TRAF7: variants seen among roughly 807,000 people sequenced by gnomAD.
The protein encoded by TRAF7 is E3 ubiquitin-protein ligase TRAF7.
Under a neutral mutation model 89.3 loss-of-function variants are expected in TRAF7, and 45 were observed. The ratio of observed to expected loss-of-function variants is 0.50; its 90% CI spans 0.40 to 0.65. TRAF7 has a LOEUF of 0.65. Among genes scored for constraint, TRAF7 ranks in the 30% least tolerant of loss-of-function variants. The pLI, the probability that TRAF7 is intolerant of heterozygous loss-of-function variation, is 0.00. For synonymous variants in TRAF7, 406 were observed against 369.2 expected (o/e 1.10, Z -1.14); for missense variants, 677 against 918.1 (o/e 0.74, Z 3.39).
chr16:2,167,696 TGCCAGGCG>T (rs547917787), intron 3 of TRAF7, among the ~76,000 whole-genome samples: 74 of 152,308 alleles, frequency 4.9e-4, no homozygotes, highest in Middle Eastern at 3.4e-3. Context: ...CCCCAGCTGC[TGCCAGGCG>T]GCCTTCAGAG....
At chr16:2,166,071 C>A in intron 3 of TRAF7, 135 bp downstream of exon 3, 3 of 1,084,400 alleles carry the variant, frequency 2.8e-6, no homozygotes, top group African/African-American at 1.5e-5. Context: ...AGCCTCACAC[C>A]GCAGCCTGTG....
chr16:2,173,111 G>T, intron 9 of TRAF7, 71 bp from the exon 10 acceptor site: 1 of 1,445,712 alleles, frequency 6.9e-7, no homozygotes, highest in South Asian at 1.2e-5. Context: ...TGGAGCATTT[G>T]AGGGGGATTC....
At position 2,170,719 on chromosome 16, in the gene TRAF7, G is replaced by T; in HGVS notation, c.337G>T (p.Glu113Ter). Residue 113 changes from glutamate (E) to a stop codon, truncating the protein, a stop_gained, in exon 5 of 21, where the codon GAG becomes TAG. Coordinates refer to ENST00000326181, the MANE Select transcript of TRAF7 (RefSeq NM_032271.3). LOFTEE classifies it high-confidence loss of function. ...CTCCACATTCTCACTGCCCGAGGAGGAGGAGGAGCCGGTAGGTGTGGGGGA... is the reference window on the plus strand; with the variant it reads ...CTCCACATTCTCACTGCCCGAGGAGTAGGAGGAGCCGGTAGGTGTGGGGGA... ...LRSTFSLPEE[E>*]EEPEPLVFAE... The T allele has an allele frequency of 6.2e-7, 1 of 1,601,274 alleles. No homozygotes were observed. Among genetic ancestry groups the T allele is most frequent in the East Asian group, 2.3e-5 (1 of 44,038 alleles).
In TRAF7 at chr16:2,175,966, C is replaced by CAGAT. The variant is rs780098578; in HGVS notation, c.1746+14_1746+15insGATA. ...GAACCTCATCCACGTAAGGCCTGGG[C>CAGAT]ATCTGGGTGCAAGGCCAGACTGTGG... On this transcript the variant is annotated intron_variant, in intron 18 of 20. Transcript: ENST00000326181. 1 of 1,612,972 alleles carries CAGAT rather than the reference C, an allele frequency of 6.2e-7. No individual in the cohort carries two copies. The highest frequency in any genetic ancestry group is 1.1e-5 in the South Asian group (1 of 91,062).
Position 2,163,777 on chromosome 16 carries a change from G to C in TRAF7, c.-38-106G>C. ...GCTGGTGGTGGAAGGCTGCTGCGGC[G>C]GCCCCACGGTGCCCCACAGCAGGTC... On this transcript the variant is annotated intron_variant, in intron 1 of 20. Transcript: ENST00000326181. This position sits in a 1 kb window ranked among gnomAD's most constrained non-coding sequence, Gnocchi z 4.3. 2 of 742,270 alleles carry C rather than the reference G, an allele frequency of 2.7e-6. No homozygotes were observed. The highest frequency in any genetic ancestry group is 3.1e-5 in the South Asian group (2 of 64,236). 46.0% of individuals were successfully genotyped at this position (742,270 alleles called of 1,614,324 possible).
chr16:2,171,689 T>A (rs1032931217), intron 7 of TRAF7, 84 bp downstream of exon 7: 26 of 1,598,050 alleles, frequency 1.6e-5, no homozygotes, highest in Non-Finnish European at 2.2e-5. Flanking sequence ...CCTTGTCCCC[T>A]GCACAGCGTC....
chr16:2,169,386 C>G (rs1474976417), intron 4 of TRAF7, among the ~76,000 whole-genome samples: 1 of 152,158 alleles, frequency 6.6e-6, no homozygotes, highest in African/African-American at 2.4e-5. Context: ...CCCTGGGCCT[C>G]TGCCTGCCTC....
chr16:2,171,379 C>G, intron 6 of TRAF7, 23 bp downstream of exon 6: 1 of 1,543,176 alleles, frequency 6.5e-7, no homozygotes, highest in Admixed American at 2.0e-5. Flanking sequence ...CCCTTCCCAG[C>G]CCCCCTGCTG....
Position 2,168,761 on chromosome 16 carries a change from C to A in TRAF7, c.231+593C>A, listed in dbSNP as rs1596674269. ...GGCTGCTGGTACCTGAGCCCTGTGG[C>A]CAGGGTCTCAGTGGCCGTTCCCTGC... On this transcript the variant is annotated intron_variant, in intron 4 of 20. Coordinates refer to ENST00000326181, the MANE Select transcript of TRAF7 (RefSeq NM_032271.3). This position sits in a 1 kb window ranked among gnomAD's most constrained non-coding sequence, Gnocchi z 4.1. Among the ~76,000 whole-genome samples, 1 of 152,088 alleles carries A rather than the reference C, an allele frequency of 6.6e-6. No homozygotes were observed. The highest frequency in any genetic ancestry group is 2.4e-5 in the African/African-American group (1 of 41,406).
At position 2,161,058 on chromosome 16, in the gene TRAF7, C is replaced by CA; in HGVS notation, c.-38-2822dup. Among the ~76,000 whole-genome samples, 1 of 152,132 alleles carries CA rather than the reference C, an allele frequency of 6.6e-6. No homozygotes were observed. Among genetic ancestry groups the CA allele is most frequent in the Non-Finnish European group, 1.5e-5 (1 of 67,994 alleles). ...ATGGATCCTGCCTTAGGGCGGGACA[C>CA]AAACGTTCCCTGGCCTCCAGCCCCA... On this transcript the variant is annotated intron_variant, in intron 1 of 20. Coordinates refer to ENST00000326181, the MANE Select transcript of TRAF7 (RefSeq NM_032271.3). This position sits in a 1 kb window ranked among gnomAD's most constrained non-coding sequence, Gnocchi z 5.2.
At position 2,159,655 on chromosome 16, in the gene TRAF7, G is replaced by C. The variant is rs1000756349; in HGVS notation, c.-39+3797G>C. 6.6e-6 allele frequency among the ~76,000 whole-genome samples: 1 copy of C among 152,200 alleles called. No homozygotes were observed. Among genetic ancestry groups the C allele is most frequent in the African/African-American group, 2.4e-5 (1 of 41,454 alleles). Reference sequence around the variant, plus strand: ...GCTCTGGCCGCAGTCCAGCCAGCCGGCCACACACAGCCCTGTGGCAGGCGG... The same window carrying C: ...GCTCTGGCCGCAGTCCAGCCAGCCGCCCACACACAGCCCTGTGGCAGGCGG... On this transcript the variant is annotated intron_variant, in intron 1 of 20. Transcript: ENST00000326181. This position sits in a 1 kb window ranked among gnomAD's most constrained non-coding sequence, Gnocchi z 6.5.
At chr16:2,170,992 C>G (rs1366104574) in intron 5 of TRAF7, among the ~76,000 whole-genome samples, 1 of 152,242 alleles carries the variant, frequency 6.6e-6, no homozygotes, top group Non-Finnish European at 1.5e-5. Context: ...AGGGCCCTTT[C>G]TAGTCTCACC....
rs2093139569 is a variant in TRAF7 at position 2,176,928 on chromosome 16, C to T, written c.*354C>T. 2 of 468,206 alleles carry T rather than the reference C, an allele frequency of 4.3e-6. No individual in the cohort carries two copies. The highest frequency in any genetic ancestry group is 4.0e-6 in the Non-Finnish European group (1 of 253,080). 29.0% of individuals were successfully genotyped at this position (468,206 alleles called of 1,614,324 possible). ...TACCTCCTGGTTGAAATAAATGCTCCACAGACTGTGGCTGTGAGTGGGGAC... is the reference window on the plus strand; with the variant it reads ...TACCTCCTGGTTGAAATAAATGCTCTACAGACTGTGGCTGTGAGTGGGGAC... On this transcript the variant is annotated 3_prime_UTR_variant, in exon 21 of 21. Transcript: ENST00000326181.
At chr16:2,173,074 G>A (rs1384082136) in intron 9 of TRAF7, 108 bp from the exon 10 acceptor site, 2 of 1,013,170 alleles carry the variant, frequency 2.0e-6, no homozygotes, top group East Asian at 5.2e-5. Flanking sequence ...GGGGGCAGCT[G>A]GACCTGGGGT....
At position 2,178,011 on chromosome 16, in the gene TRAF7, C is replaced by T; in HGVS notation, c.*1437C>T. ...GTCCTTTCAGTTGGTAAATGGTTTT[C>T]TATAGAATCAATAATATTTCTTTCT... On this transcript the variant is annotated 3_prime_UTR_variant, in exon 21 of 21. Transcript: ENST00000326181. 2.2e-5 allele frequency: 9 copies of T among 417,792 alleles called. No homozygotes were observed. The highest frequency in any genetic ancestry group is 1.9e-4 in the South Asian group (9 of 46,724). The allele number at this position is 417,792 out of a possible 1,614,324, so 25.9% of individuals were successfully genotyped here. A position where few individuals can be genotyped will look rare whatever the true frequency, so the allele number is the denominator to read the frequency against.
rs376587431 is a variant in TRAF7 at position 2,163,989 on chromosome 16, C to T, written c.69C>T (p.Asp23=). 2.1e-5 allele frequency: 34 copies of T among 1,609,298 alleles called. No homozygotes were observed. The highest frequency in any genetic ancestry group is 3.3e-5 in the South Asian group (3 of 90,810). The part of the protein sequence containing the change: ...SGGPSNLPTP[D]VTTGTRMETT... ...GGCCCAGCAATCTTCCCACCCCAGA[C>T]GTCACCACAGGGGTAAGGGTGTGCC... The change falls in exon 2 of 21, where the codon GAC becomes GAT. Residue 23 remains aspartate, a synonymous_variant. Coordinates refer to ENST00000326181, the MANE Select transcript of TRAF7 (RefSeq NM_032271.3). The surrounding 1 kb of genome is among the most constrained non-coding windows in gnomAD (Gnocchi z 4.3).
chr16:2,162,053 A>G lies in TRAF7; in HGVS notation c.-38-1830A>G, dbSNP rs1453572580. On this transcript the variant is annotated intron_variant, in intron 1 of 20. Transcript: ENST00000326181. The surrounding 1 kb of genome is among the most constrained non-coding windows in gnomAD (Gnocchi z 5.0). ...AGTGGGGCCTGGGGAAGGCCGAGGG[A>G]GGCTTTGGCCAGGCCCCATCTCCCG... is the stretch of plus-strand genomic sequence containing the variant. Among the ~76,000 whole-genome samples the G allele has an allele frequency of 6.6e-6, 1 of 151,998 alleles. No individual in the cohort carries two copies. The highest frequency in any genetic ancestry group is 2.4e-5 in the African/African-American group (1 of 41,356).
chr16:2,167,832 G>C (rs1241796099), intron 3 of TRAF7, among the ~76,000 whole-genome samples: 1 of 152,118 alleles, frequency 6.6e-6, no homozygotes, highest in Non-Finnish European at 1.5e-5. Flanking sequence ...GGGGCTACCG[G>C]GCTCAGCGCT....
Position 2,168,148 on chromosome 16 carries a change from C to A in TRAF7, c.211C>A (p.Arg71=), listed in dbSNP as rs757105676. 3.7e-6 allele frequency: 6 copies of A among 1,611,694 alleles called. No homozygotes were observed. Among genetic ancestry groups the A allele is most frequent in the East Asian group, 2.2e-5 (1 of 44,848 alleles). The change falls in exon 4 of 21, where the codon CGG becomes AGG. Residue 71 remains arginine (R), a synonymous_variant. Transcript: ENST00000326181. The surrounding 1 kb of genome is among the most constrained non-coding windows in gnomAD (Gnocchi z 4.1). The part of the protein sequence containing the change: ...SSSSTLAYSP[R]DEEDSMPPIS... ...CTCCAGCACCCTTGCCTACTCCCCGCGGGACGAGGAGGACAGCATGGTAGG... is the reference window on the plus strand; with the variant it reads ...CTCCAGCACCCTTGCCTACTCCCCGAGGGACGAGGAGGACAGCATGGTAGG...
Sources: gnomAD v4.1 joint callset for allele counts (sites outside exome capture counted in the v4.1 genomes callset) on GRCh38, gnomAD v4.1.1 for gene constraint, Gnocchi (gnomAD v3.1) non-coding constraint, MANE v1.5 for transcripts, NCBI Gene and HGNC (gene_info 2026-07-23, HGNC 2026-07-21) for gene names.